The following SEPTIN3 variants were observed in gnomAD, a reference collection of about 807,000 sequenced individuals.
SEPTIN3 encodes the protein neuronal-specific septin-3.
In SEPTIN3, 15 loss-of-function variants were observed where a neutral mutation model predicts 45.1. The observed-to-expected ratio is 0.33, with a 90% confidence interval of 0.22 to 0.51. SEPTIN3 has a LOEUF of 0.51. Among genes scored for constraint, SEPTIN3 ranks in the 20% least tolerant of loss-of-function variants. The probability of loss-of-function intolerance (pLI) is 0.97; values close to 1 mark genes in which losing one functional copy is unlikely to be tolerated. For synonymous variants in SEPTIN3, 148 were observed against 164.8 expected (o/e 0.90, Z 0.78); for missense variants, 289 against 457.2 (o/e 0.63, Z 3.35).
Position 41,979,773 on chromosome 22 carries a change from A to G in SEPTIN3, c.1505-1872A>G, listed in dbSNP as rs12166301. ...GTTTCCCATTGGGAGAGAGGGTCTTACCAGTACCGGTGGAAGGACCAGGTG... is the reference window on the plus strand; with the variant it reads ...GTTTCCCATTGGGAGAGAGGGTCTTGCCAGTACCGGTGGAAGGACCAGGTG... On this transcript the variant is annotated intron_variant, in intron 2 of 11. Transcript: ENST00000644076. 5.3e-3 allele frequency among the ~76,000 whole-genome samples: 805 copies of G among 152,292 alleles called. 3 individuals are homozygous for G. Among genetic ancestry groups the G allele is most frequent in the African/African-American group, 0.018 (758 of 41,552 alleles).
At chr22:41,995,223 A>G in intron 11 of SEPTIN3, 2 of 996,730 alleles carry the variant, frequency 2.0e-6, no homozygotes, top group Non-Finnish European at 2.4e-6. Context: ...AGTAGGGGGC[A>G]GGGAGTTCAG....
chr22:41,986,233 C>A (rs758723446), intron 4 of SEPTIN3, 121 bp downstream of exon 4: 7 of 1,198,474 alleles, frequency 5.8e-6, no homozygotes, highest in Non-Finnish European at 6.9e-6. Context: ...ACAAAACAGA[C>A]GTGAGCACTT....
At chr22:41,989,216 GA>G (rs1484323549) in intron 6 of SEPTIN3, among the ~76,000 whole-genome samples, 1 of 151,584 alleles carries the variant, frequency 6.6e-6, no homozygotes, top group Non-Finnish European at 1.5e-5. Context: ...GACAAAAAAG[GA>G]AAAAAGACAC....
rs1265768710 is a variant in SEPTIN3, at chr22:41,994,166, A to G, written c.2360-124A>G. On this transcript the variant is annotated intron_variant, in intron 9 of 11. Coordinates refer to ENST00000644076, the MANE Select transcript of SEPTIN3 (RefSeq NM_001363845.2). This position sits in a 1 kb window ranked among gnomAD's most constrained non-coding sequence, Gnocchi z 4.2. ...TGAGCAAATCTCTGGAAGGGTTACA[A>G]AAAATGACCTGTCCCATAGCTTTCT... 1 of 803,488 alleles carries G rather than the reference A, an allele frequency of 1.2e-6. No individual in the cohort carries two copies. Among genetic ancestry groups the G allele is most frequent in the Non-Finnish European group, 2.0e-6 (1 of 491,826 alleles). The allele number at this position is 803,488 out of a possible 1,614,324, so 49.8% of individuals were successfully genotyped here.
rs1381050187 is a variant in SEPTIN3, at chr22:41,969,675, AAGGTAGGTGTGT to A, written c.-20+2_-20+13del. ...ACTGGATCCTTCTTGTCCTCTGATC[AAGGTAGGTGTGT>A]AGGGGGGTGGAAGGGTGTGGGGGTT... On this transcript the variant is annotated splice_donor_variant and splice_donor_5th_base_variant and 5_prime_UTR_variant and intron_variant, in exon 1 of 12. Transcript: ENST00000644076. LOFTEE classifies it low-confidence loss of function (5UTR_SPLICE). 7.9e-6 allele frequency: 1 copy of A among 126,352 alleles called. No homozygotes were observed. Among genetic ancestry groups the A allele is most frequent in the Non-Finnish European group, 1.6e-5 (1 of 61,254 alleles). 7.8% of individuals were successfully genotyped at this position (126,352 alleles called of 1,614,324 possible).
At position 41,997,178 on chromosome 22, in the gene SEPTIN3, G is replaced by T; in HGVS notation, c.*211G>T. On this transcript the variant is annotated 3_prime_UTR_variant, in exon 12 of 12. Transcript: ENST00000644076. Reference sequence around the variant, plus strand: ...CTCCCAGTGGAGTGGGGTTCTGCCAGTACAGCCCTACTGCATCATCTGCGT... The same window carrying T: ...CTCCCAGTGGAGTGGGGTTCTGCCATTACAGCCCTACTGCATCATCTGCGT... 3.4e-6 allele frequency: 3 copies of T among 889,072 alleles called. No individual in the cohort carries two copies. Among genetic ancestry groups the T allele is most frequent in the Non-Finnish European group, 5.0e-6 (3 of 602,482 alleles). The allele number at this position is 889,072 out of a possible 1,614,324, so 55.1% of individuals were successfully genotyped here. A position where few individuals can be genotyped will look rare whatever the true frequency, so the allele number is the denominator to read the frequency against.
chr22:41,983,416 C>T (rs1262466280), intron 3 of SEPTIN3, among the ~76,000 whole-genome samples: 9 of 152,228 alleles, frequency 5.9e-5, no homozygotes, highest in Admixed American at 4.6e-4. Context: ...AATCCCTTGT[C>T]CACCAGTGAC....
At chr22:41,975,978 A>G (rs36088739) in intron 2 of SEPTIN3, among the ~76,000 whole-genome samples, 113 of 152,162 alleles carry the variant, frequency 7.4e-4, no homozygotes, top group Non-Finnish European at 1.0e-3. Flanking sequence ...ATTTAGCTCT[A>G]CACACCTGTC....
rs1482498646 is a variant in SEPTIN3, at chr22:41,994,835, T to G, written c.2505+121T>G. On this transcript the variant is annotated intron_variant, in intron 11 of 11. Coordinates refer to ENST00000644076, the MANE Select transcript of SEPTIN3 (RefSeq NM_001363845.2). This position sits in a 1 kb window ranked among gnomAD's most constrained non-coding sequence, Gnocchi z 4.2. ...ATACCACCACCAACCACCTTCTTCCTCTCAACTCTGTCCCACAGGCCTGTC... is the reference window on the plus strand; with the variant it reads ...ATACCACCACCAACCACCTTCTTCCGCTCAACTCTGTCCCACAGGCCTGTC... The G allele has an allele frequency of 5.1e-5, 81 of 1,597,498 alleles. No individual in the cohort carries two copies. Among genetic ancestry groups the G allele is most frequent in the Non-Finnish European group, 6.6e-5 (77 of 1,174,208 alleles).
intron 3 of SEPTIN3, among the ~76,000 whole-genome samples, chr22:41,983,903 C>T (rs1255404455): frequency 2.0e-5 from 3 of 152,120 alleles, no homozygotes; most frequent in African/African-American, 4.8e-5. Flanking sequence ...GTTTTGTTCA[C>T]GATAGTACCT....
chr22:41,996,248 G>T, intron 11 of SEPTIN3: 1 of 985,188 alleles, frequency 1.0e-6, no homozygotes, highest in Non-Finnish European at 1.2e-6. Flanking sequence ...TCCCCTGCTT[G>T]TTGTACAAGT....
At position 41,987,716 on chromosome 22, in the gene SEPTIN3, C is replaced by T. The variant is rs774114003; in HGVS notation, c.2002C>T (p.Arg668Cys). The T allele has an allele frequency of 3.1e-6, 5 of 1,613,980 alleles. No individual in the cohort carries two copies. Among genetic ancestry groups the T allele is most frequent in the Non-Finnish European group, 4.2e-6 (5 of 1,179,966 alleles). ...CAGGAAGAAACGCATCCCTGACACT[C>T]GTGTCCACTGCTGCCTTTACTTCAT... is the stretch of plus-strand genomic sequence containing the variant. Reference protein sequence around the residue: ...IARKKRIPDTRVHCCLYFISP... With the variant: ...IARKKRIPDTCVHCCLYFISP... Residue 668 changes from arginine to cysteine, a missense_variant, in exon 6 of 12, where the codon CGT becomes TGT. Physicochemically the swap from Arg to Cys is radical, Grantham distance 180. Transcript: ENST00000644076.
chr22:41,996,905 G>A lies in SEPTIN3; in HGVS notation c.2509G>A (p.Glu837Lys). 1 of 1,613,994 alleles carries A rather than the reference G, an allele frequency of 6.2e-7. No homozygotes were observed. The highest frequency in any genetic ancestry group is 1.1e-5 in the South Asian group (1 of 91,084). ...ACCGTTCTCAACCCCCCTGCAGGGA[G>A]AAGGCCTCCTGGGCACTGTCCTTCC... is the stretch of plus-strand genomic sequence containing the variant. ...LNDNGGLPPG[E>K]GLLGTVLPPV... The change falls in exon 12 of 12, where the codon GAA becomes AAA. Residue 837 changes from glutamate to lysine, a missense_variant. Glu to Lys is a moderately conservative substitution (Grantham distance 56). Around this residue, in one of 3 missense-constraint regions of SEPTIN3, gnomAD observed 84 missense variants for 114.7 expected, o/e 0.73. Transcript: ENST00000644076.
chr22:41,992,154 G>A (rs2078328762), intron 8 of SEPTIN3, among the ~76,000 whole-genome samples: 1 of 152,160 alleles, frequency 6.6e-6, no homozygotes, highest in Non-Finnish European at 1.5e-5. Flanking sequence ...CTAGGTGGGA[G>A]AATCGCTTGA....
intron 2 of SEPTIN3, among the ~76,000 whole-genome samples, chr22:41,979,242 G>T (rs2078082912): frequency 1.3e-5 from 2 of 152,108 alleles, no homozygotes; most frequent in African/African-American, 4.8e-5. Context: ...CTATCTTTTG[G>T]GCGTGCTCTT....
chr22:41,976,910 C>T lies in SEPTIN3; in HGVS notation c.1504+3914C>T. 1 of 323,258 alleles carries T rather than the reference C, an allele frequency of 3.1e-6. No individual in the cohort carries two copies. The highest frequency in any genetic ancestry group is 4.6e-6 in the Non-Finnish European group (1 of 218,484). The allele number at this position is 323,258 out of a possible 1,614,324, so 20.0% of individuals were successfully genotyped here. ...GGCGGCGCGGGGCGCAGGGGCGGCG[C>T]GGCGGGGCCGCGGGCCGGGCGGGTG... On this transcript the variant is annotated intron_variant, in intron 2 of 11. Coordinates refer to ENST00000644076, the MANE Select transcript of SEPTIN3 (RefSeq NM_001363845.2). The surrounding 1 kb of genome is among the most constrained non-coding windows in gnomAD (Gnocchi z 5.8).
chr22:41,982,975 A>C (rs1012929718), intron 3 of SEPTIN3, among the ~76,000 whole-genome samples: 18 of 152,002 alleles, frequency 1.2e-4, no homozygotes, highest in Admixed American at 9.8e-4. Context: ...TGAAAAAGGA[A>C]TCTGGCGTCA....
At chr22:41,981,418 G>A (rs1182744274) in intron 2 of SEPTIN3, 5 of 474,006 alleles carry the variant, frequency 1.1e-5, no homozygotes, top group Non-Finnish European at 1.5e-5. Flanking sequence ...CCTGGCACTG[G>A]CCCAGATTTT....
At position 41,994,895 on chromosome 22, in the gene SEPTIN3, GT is replaced by G; in HGVS notation, c.2505+182del. ...TGGAGCATCTTGTCTGTGTGTGTGTGTGTGTGTGTGTGTGTGTGTGTGTGTG... is the reference window on the plus strand; with the variant it reads ...TGGAGCATCTTGTCTGTGTGTGTGTGGTGTGTGTGTGTGTGTGTGTGTGTG... On this transcript the variant is annotated intron_variant, in intron 11 of 11. Coordinates refer to ENST00000644076, the MANE Select transcript of SEPTIN3 (RefSeq NM_001363845.2). The surrounding 1 kb of genome is among the most constrained non-coding windows in gnomAD (Gnocchi z 4.2). 1 of 1,444,480 alleles carries G rather than the reference GT, an allele frequency of 6.9e-7. No homozygotes were observed. Among genetic ancestry groups the G allele is most frequent in the Non-Finnish European group, 9.2e-7 (1 of 1,090,116 alleles). 89.5% of individuals were successfully genotyped at this position (1,444,480 alleles called of 1,614,324 possible).
Sources: gnomAD v4.1 joint callset for allele counts (sites outside exome capture counted in the v4.1 genomes callset) on GRCh38, gnomAD v4.1.1 for gene constraint, gnomAD v4.1.1 regional missense constraint, Gnocchi (gnomAD v3.1) non-coding constraint, MANE v1.5 for transcripts, NCBI Gene and HGNC (gene_info 2026-07-23, HGNC 2026-07-21) for gene names.